The following PDGFD variants were observed in gnomAD, a reference collection of about 807,000 sequenced individuals.
PDGFD encodes platelet-derived growth factor D.
Under a neutral mutation model 44.7 loss-of-function variants are expected in PDGFD, and 30 were observed. The ratio of observed to expected loss-of-function variants is 0.67; its 90% confidence interval spans 0.50 to 0.91. The LOEUF (loss-of-function observed/expected upper bound fraction) is 0.91. Ranked by LOEUF, PDGFD falls within the 40% of genes least tolerant of loss-of-function variation. The probability of loss-of-function intolerance (pLI) is 0.00; values close to 1 mark genes in which losing one functional copy is unlikely to be tolerated. For synonymous variants in PDGFD, 173 were observed against 168.4 expected, an observed-to-expected ratio of 1.03 and a Z score of -0.21; for missense variants, 445 against 457.8, an observed-to-expected ratio of 0.97 and a Z score of 0.25.
intron 1 of PDGFD, among the ~76,000 whole-genome samples, chr11:104,099,675 T>TAAA (rs1861342270): frequency 7.2e-6 from 1 of 138,164 alleles, no homozygotes; most frequent in Non-Finnish European, 1.6e-5. Context: ...ATAATAATAA[T>TAAA]AAATCAAACC....
chr11:103,936,901 T>A (rs1449075733), intron 5 of PDGFD, among the ~76,000 whole-genome samples: 1 of 151,862 alleles, frequency 6.6e-6, no homozygotes, highest in South Asian at 2.1e-4. Flanking sequence ...TCACAGCCCA[T>A]GGTAGCCTTG....
intron 3 of PDGFD, among the ~76,000 whole-genome samples, chr11:103,970,210 A>G (rs1358692146): frequency 6.6e-6 from 1 of 152,060 alleles, no homozygotes; most frequent in Middle Eastern, 3.2e-3. Flanking sequence ...GAACATATAA[A>G]TTAGTGAAAA....
chr11:103,913,221 C>T (rs1007930014), intron 6 of PDGFD, among the ~76,000 whole-genome samples: 1 of 152,154 alleles, frequency 6.6e-6, no homozygotes, highest in African/African-American at 2.4e-5. Context: ...TCACATTACA[C>T]CTATTTTAAA....
chr11:104,123,263 T>C (rs1489206582), intron 1 of PDGFD, among the ~76,000 whole-genome samples: 1 of 152,106 alleles, frequency 6.6e-6, no homozygotes, highest in Non-Finnish European at 1.5e-5. Flanking sequence ...TAGGTCTTTA[T>C]TATTAGCCAG....
intron 1 of PDGFD, among the ~76,000 whole-genome samples, chr11:104,054,349 C>T (rs1441890154): frequency 1.3e-5 from 2 of 152,302 alleles, no homozygotes; most frequent in Middle Eastern, 3.4e-3. Context: ...CTTCTTAATT[C>T]TGATCTATGT....
chr11:103,956,726 G>A (rs1858857099), intron 3 of PDGFD, among the ~76,000 whole-genome samples: 1 of 151,992 alleles, frequency 6.6e-6, no homozygotes, highest in African/African-American at 2.4e-5. Flanking sequence ...AGCACCTGTT[G>A]TTTCCTGACT....
intron 1 of PDGFD, among the ~76,000 whole-genome samples, chr11:104,122,711 TACAA>T (rs1861794048): frequency 8.9e-6 from 1 of 112,364 alleles, no homozygotes; most frequent in Non-Finnish European, 1.8e-5. Flanking sequence ...CAACTTATAA[TACAA>T]ACAATTTTTT....
chr11:104,124,971 A>G (rs1254668293), intron 1 of PDGFD, among the ~76,000 whole-genome samples: 1 of 152,138 alleles, frequency 6.6e-6, no homozygotes, highest in Admixed American at 6.6e-5. Flanking sequence ...TTTTACTGTT[A>G]AAACTGCTAC....
chr11:104,056,835 T>C (rs770605384), intron 1 of PDGFD, among the ~76,000 whole-genome samples: 7 of 152,076 alleles, frequency 4.6e-5, no homozygotes, highest in Non-Finnish European at 1.0e-4. Context: ...ATTTCCAATA[T>C]CATAAAAAAA....
chr11:103,938,281 G>C (rs553614441), intron 5 of PDGFD, among the ~76,000 whole-genome samples: 1 of 152,282 alleles, frequency 6.6e-6, no homozygotes, highest in African/African-American at 2.4e-5. Context: ...TTGTGGTTTT[G>C]ATTTGCATTT....
At chr11:104,024,389 C>T (rs1225195311) in intron 1 of PDGFD, among the ~76,000 whole-genome samples, 2 of 152,142 alleles carry the variant, frequency 1.3e-5, no homozygotes, top group African/African-American at 4.8e-5. Flanking sequence ...AGTGAGTTGA[C>T]TGAACTGCAT....
At chr11:103,944,923 C>T (rs1273872215) in intron 4 of PDGFD, among the ~76,000 whole-genome samples, 5 of 151,962 alleles carry the variant, frequency 3.3e-5, no homozygotes, top group Admixed American at 3.3e-4. Context: ...TGAAATAGAC[C>T]GATGAATGTG....
chr11:104,022,204 G>T (rs1199056669), intron 1 of PDGFD, among the ~76,000 whole-genome samples: 4 of 152,128 alleles, frequency 2.6e-5, no homozygotes, highest in Non-Finnish European at 4.4e-5. Flanking sequence ...TCTTCAGTTT[G>T]CTTTCTTAAA....
At chr11:104,144,538 A>AAAAAAACCC (rs1565347744) in intron 1 of PDGFD, among the ~76,000 whole-genome samples, 1 of 134,230 alleles carries the variant, frequency 7.4e-6, no homozygotes, top group African/African-American at 3.1e-5. Context: ...ACCCAACAAA[A>AAAAAAACCC]CAAAACAAAC....
chr11:103,959,341 G>A (rs1245230839), intron 3 of PDGFD, among the ~76,000 whole-genome samples: 2 of 152,124 alleles, frequency 1.3e-5, no homozygotes, highest in African/African-American at 4.8e-5. Context: ...ATGAAAACAA[G>A]TAATTCAAAG....
At chr11:104,133,712 T>C (rs993817035) in intron 1 of PDGFD, among the ~76,000 whole-genome samples, 3 of 152,206 alleles carry the variant, frequency 2.0e-5, no homozygotes, top group Admixed American at 6.5e-5. Context: ...AATGCTGCTA[T>C]GTGTCATATA....
intron 6 of PDGFD, among the ~76,000 whole-genome samples, chr11:103,925,570 A>G (rs1185740900): frequency 1.3e-5 from 2 of 151,016 alleles, no homozygotes; most frequent in Non-Finnish European, 2.9e-5. Flanking sequence ...AGTGACTTGC[A>G]TGTGTTTCCA....
rs7946328 is a variant in PDGFD at position 103,945,393 on chromosome 11, A to C, written c.574-1743T>G. Among the ~76,000 whole-genome samples the C allele has an allele frequency of 5.2e-3, 790 of 152,200 alleles. 5 individuals are homozygous for C. Among genetic ancestry groups the C allele is most frequent in the African/African-American group, 0.015 (631 of 41,536 alleles). On this transcript the variant is annotated intron_variant, in intron 4 of 6. Transcript: ENST00000393158. ...TGAGGTCACATGCTAGAGGTGGAAG[A>C]CTTATAATTCAGGACTATAATTCCA...
At chr11:104,112,306 T>C (rs964932460) in intron 1 of PDGFD, among the ~76,000 whole-genome samples, 5 of 152,110 alleles carry the variant, frequency 3.3e-5, no homozygotes, top group African/African-American at 1.2e-4. Flanking sequence ...TTTTTTTTCA[T>C]GCTTGTTGGT....
Sources: allele counts gnomAD v4.1 joint callset (sites outside exome capture counted in the v4.1 genomes callset), GRCh38; gene constraint gnomAD v4.1.1; transcripts MANE v1.5; gene names NCBI Gene and HGNC (gene_info 2026-07-23, HGNC 2026-07-21).